The following TMEFF1 variants were observed in gnomAD, a reference collection of about 807,000 sequenced individuals.
TMEFF1 encodes tomoregulin-1.
Under a neutral mutation model 47.5 loss-of-function variants are expected in TMEFF1, and 20 were observed. That is an observed-to-expected ratio of 0.42 (90% confidence interval 0.30 to 0.61). The LOEUF is 0.61. Ranked by LOEUF, TMEFF1 falls within the 20% of genes least tolerant of loss-of-function variation. TMEFF1 has a pLI of 0.19. For missense variants in TMEFF1, 411 were observed against 471.1 expected, an observed-to-expected ratio of 0.87 and a Z score of 1.18; for synonymous variants, 162 against 166.3, an observed-to-expected ratio of 0.97 and a Z score of 0.20.
chr9:100,552,889 C>T (rs1219111930), intron 7 of TMEFF1, among the ~76,000 whole-genome samples: 2 of 151,976 alleles, frequency 1.3e-5, no homozygotes, highest in Admixed American at 6.6e-5. Context: ...CATTCTAGCC[C>T]TATTTCAGAT....
intron 2 of TMEFF1, among the ~76,000 whole-genome samples, chr9:100,505,410 C>CAAAAAAA (rs60312984): frequency 4.2e-4 from 11 of 26,444 alleles, no homozygotes; most frequent in Admixed American, 7.9e-4. Flanking sequence ...GACCCTGTCT[C>CAAAAAAA]AAAAAAAAAA....
At position 100,498,847 on chromosome 9, in the gene TMEFF1, T is replaced by C. The variant is rs1837706079; in HGVS notation, c.279T>C (p.Asp93=). The part of the protein sequence containing the change: ...KYGGVCKEDG[D]GLKCACQFQC... ...GAGGAGTCTGTAAAGAAGATGGAGA[T>C]GGTTTGAAATGTGCATGCCAATTTC... Residue 93 remains aspartate (D), a synonymous_variant, in exon 2 of 10, where the codon GAT becomes GAC. Coordinates refer to ENST00000374879, the MANE Select transcript of TMEFF1 (RefSeq NM_003692.5). 6.2e-7 allele frequency: 1 copy of C among 1,613,782 alleles called. No individual in the cohort carries two copies. The highest frequency in any genetic ancestry group is 1.3e-5 in the African/African-American group (1 of 74,926).
intron 5 of TMEFF1, chr9:100,518,527 C>G: frequency 1.1e-5 from 11 of 984,746 alleles, no homozygotes; most frequent in Non-Finnish European, 1.3e-5. Flanking sequence ...TAGACAGTGA[C>G]AAGCAGCCAA....
chr9:100,569,335 A>C (rs535048355), intron 8 of TMEFF1, among the ~76,000 whole-genome samples: 1 of 152,114 alleles, frequency 6.6e-6, no homozygotes, highest in African/African-American at 2.4e-5. Flanking sequence ...CTTATTGGCT[A>C]TTTGTATATC....
chr9:100,513,410 T>TTTTTTTTTTTTTA, intron 4 of TMEFF1, 77 bp downstream of exon 4: 1 of 1,225,140 alleles, frequency 8.2e-7, no homozygotes, highest in Admixed American at 2.7e-5. Flanking sequence ...TTTTTTTTTT[T>TTTTTTTTTTTTTA]AAATCAGCTT....
intron 5 of TMEFF1, among the ~76,000 whole-genome samples, chr9:100,537,575 G>A (rs1838542558): frequency 6.6e-6 from 1 of 152,174 alleles, no homozygotes; most frequent in African/African-American, 2.4e-5. Flanking sequence ...TCTGGCAGGG[G>A]CAATGTAACA....
intron 1 of TMEFF1, among the ~76,000 whole-genome samples, chr9:100,474,973 T>C (rs1322348578): frequency 6.6e-6 from 1 of 152,196 alleles, no homozygotes; most frequent in Non-Finnish European, 1.5e-5. Context: ...GTGGAGGGTC[T>C]TCTTGGAGCT....
intron 1 of TMEFF1, among the ~76,000 whole-genome samples, chr9:100,498,517 T>A (rs926135971): frequency 1.3e-5 from 2 of 152,242 alleles, no homozygotes; most frequent in African/African-American, 4.8e-5. Context: ...TTATGTTAAG[T>A]CCTGAAATTT....
intron 7 of TMEFF1, among the ~76,000 whole-genome samples, chr9:100,555,943 A>C (rs1486047847): frequency 6.6e-6 from 1 of 152,192 alleles, no homozygotes; most frequent in Non-Finnish European, 1.5e-5. Flanking sequence ...TTTTGCCCAT[A>C]TAGAATGGCA....
At chr9:100,572,392 G>T in intron 8 of TMEFF1, 126 bp from the exon 9 acceptor site, 1 of 1,085,802 alleles carries the variant, frequency 9.2e-7, no homozygotes. Flanking sequence ...CCCCCAGATG[G>T]TAGGAAAGTG....
chr9:100,529,399 C>G (rs568456188), intron 5 of TMEFF1, among the ~76,000 whole-genome samples: 2,166 of 148,884 alleles, frequency 0.015, 41 homozygotes, highest in African/African-American at 0.05. Context: ...GGAGGAAGAT[C>G]TACCAAGCAA....
chr9:100,506,211 A>G (rs1202914388), intron 2 of TMEFF1, among the ~76,000 whole-genome samples: 6 of 152,186 alleles, frequency 3.9e-5, no homozygotes, highest in Non-Finnish European at 7.3e-5. Context: ...AAAAGTAGAT[A>G]AATGATAAAA....
At chr9:100,545,637 C>T (rs1290275343) in intron 5 of TMEFF1, among the ~76,000 whole-genome samples, 1 of 152,210 alleles carries the variant, frequency 6.6e-6, no homozygotes, top group Non-Finnish European at 1.5e-5. Context: ...CTGCAGCTAG[C>T]TTGAATTTCT....
intron 5 of TMEFF1, among the ~76,000 whole-genome samples, chr9:100,537,683 A>G (rs1838545003): frequency 6.6e-6 from 1 of 152,130 alleles, no homozygotes; most frequent in Non-Finnish European, 1.5e-5. Context: ...TTCTTTCAAT[A>G]TTTGTTTAGA....
At chr9:100,500,535 C>T (rs1354443579) in intron 2 of TMEFF1, among the ~76,000 whole-genome samples, 1 of 152,158 alleles carries the variant, frequency 6.6e-6, no homozygotes, top group East Asian at 1.9e-4. Context: ...TCTTCCCATC[C>T]AGTGAGTTTT....
chr9:100,534,963 A>G (rs980441675), intron 5 of TMEFF1, among the ~76,000 whole-genome samples: 1 of 152,138 alleles, frequency 6.6e-6, no homozygotes, highest in Non-Finnish European at 1.5e-5. Context: ...AAAGGGCTAG[A>G]TGGTAAATAT....
chr9:100,531,901 C>G (rs1443173971), intron 5 of TMEFF1, among the ~76,000 whole-genome samples: 2 of 150,512 alleles, frequency 1.3e-5, no homozygotes, highest in Non-Finnish European at 3.0e-5. Context: ...AGATATAGAT[C>G]AATGGAACAG....
chr9:100,513,166 T>G, intron 3 of TMEFF1, 141 bp from the exon 4 acceptor site: 1 of 1,151,072 alleles, frequency 8.7e-7, no homozygotes, highest in Non-Finnish European at 1.2e-6. Flanking sequence ...TATGTAAGAA[T>G]AAATAAGATA....
At position 100,564,139 on chromosome 9, in the gene TMEFF1, A is replaced by G. The variant is rs374109372; in HGVS notation, c.899+2619A>G. Among the ~76,000 whole-genome samples the G allele has an allele frequency of 1.6e-4, 25 of 152,276 alleles. No individual in the cohort carries two copies. In the South Asian group the frequency reaches 2.3e-3, roughly 14 times the overall value. On this transcript the variant is annotated intron_variant, in intron 8 of 9. Transcript: ENST00000374879. ...ACCCAGACTGGAGTGCAGTGGAGCA[A>G]TCTCGGCTCACTGCAACCTCCACCT... is the stretch of plus-strand genomic sequence containing the variant.
Sources: gnomAD v4.1 joint callset for allele counts (sites outside exome capture counted in the v4.1 genomes callset) on GRCh38, gnomAD v4.1.1 for gene constraint, MANE v1.5 for transcripts, NCBI Gene and HGNC (gene_info 2026-07-23, HGNC 2026-07-21) for gene names.